The following PTPRN2 variants were observed in gnomAD, a reference collection of about 807,000 sequenced individuals.
PTPRN2 encodes the protein protein tyrosine phosphatase receptor type N2.
In PTPRN2, 74 loss-of-function variants were observed where a neutral mutation model predicts 118.8. The observed-to-expected ratio is 0.62, with a 90% CI of 0.52 to 0.76. The LOEUF (loss-of-function observed/expected upper bound fraction) is 0.76, where lower values mean the gene tolerates loss of function less well. Ranked by LOEUF, PTPRN2 falls within the 30% of genes least tolerant of loss-of-function variation. The pLI, the probability that PTPRN2 is intolerant of heterozygous loss-of-function variation, is 0.00. For missense variants in PTPRN2, 1,481 were observed against 1,394.4 expected (o/e 1.06, Z -0.99); for synonymous variants, 641 against 608.0 (o/e 1.05, Z -0.80).
intron 2 of PTPRN2, among the ~76,000 whole-genome samples, chr7:158,466,516 T>A (rs1186138271): frequency 6.6e-6 from 1 of 152,206 alleles, no homozygotes; most frequent in Non-Finnish European, 1.5e-5. Flanking sequence ...GATCTCCTTT[T>A]TTAAGGCTGA....
intron 21 of PTPRN2, among the ~76,000 whole-genome samples, chr7:157,552,937 T>C (rs1308799195): frequency 6.6e-6 from 1 of 152,230 alleles, no homozygotes; most frequent in Non-Finnish European, 1.5e-5. Context: ...ACAAAACACA[T>C]TTGATGCTCA....
chr7:158,380,990 C>T (rs544173219), intron 2 of PTPRN2, among the ~76,000 whole-genome samples: 68 of 152,368 alleles, frequency 4.5e-4, no homozygotes, highest in African/African-American at 1.3e-3. Context: ...GCAGCTGGGA[C>T]GCAGGGCATC....
intron 2 of PTPRN2, among the ~76,000 whole-genome samples, chr7:158,458,099 T>G (rs114879444): frequency 2.7e-3 from 405 of 152,348 alleles, no homozygotes; most frequent in African/African-American, 9.1e-3. Flanking sequence ...GGTTCCATTA[T>G]GCGTCCCTCA....
chr7:157,788,886 G>A (rs750302590), intron 12 of PTPRN2, among the ~76,000 whole-genome samples: 2 of 152,224 alleles, frequency 1.3e-5, no homozygotes, highest in Admixed American at 6.5e-5. Flanking sequence ...GAGGCCGCTG[G>A]AACCACCTCT....
At chr7:158,098,199 G>T (rs1455560914) in intron 10 of PTPRN2, among the ~76,000 whole-genome samples, 1 of 152,236 alleles carries the variant, frequency 6.6e-6, no homozygotes, top group East Asian at 1.9e-4. Flanking sequence ...CCTCTGCCTG[G>T]CCAGGACTGG....
intron 3 of PTPRN2, among the ~76,000 whole-genome samples, chr7:158,251,529 TGGGG>T (rs535663499): frequency 6.9e-6 from 1 of 144,780 alleles, no homozygotes; most frequent in African/African-American, 2.6e-5. Flanking sequence ...ATGGTGCATG[TGGGG>T]GGTGTGCAAT....
At chr7:158,018,033 C>A (rs140790471) in intron 11 of PTPRN2, among the ~76,000 whole-genome samples, 515 of 152,256 alleles carry the variant, frequency 3.4e-3, no homozygotes, top group African/African-American at 0.012. Context: ...TGTGTCCCTG[C>A]ACCTCACAGT....
At chr7:158,269,849 GAC>G (rs200308283) in intron 3 of PTPRN2, among the ~76,000 whole-genome samples, 1,925 of 151,990 alleles carry the variant, frequency 0.013, 44 homozygotes, top group African/African-American at 0.044. Flanking sequence ...GGGAGTCGGA[GAC>G]ACAGAGACAG....
intron 15 of PTPRN2, among the ~76,000 whole-genome samples, chr7:157,613,024 G>C (rs1563261910): frequency 6.6e-6 from 1 of 152,194 alleles, no homozygotes. Flanking sequence ...AGGAGGGGCC[G>C]GGGTGCTTCC....
At chr7:158,536,767 G>A (rs555218313) in intron 1 of PTPRN2, among the ~76,000 whole-genome samples, 6 of 150,390 alleles carry the variant, frequency 4.0e-5, no homozygotes, top group East Asian at 4.0e-4. Context: ...TCGACAAGAC[G>A]AGACTCAGGA....
intron 12 of PTPRN2, among the ~76,000 whole-genome samples, chr7:157,761,432 C>G (rs1178661412): frequency 4.0e-5 from 6 of 151,030 alleles, no homozygotes; most frequent in Non-Finnish European, 8.8e-5. Context: ...ACAGAGCCCT[C>G]AGAAATAATG....
chr7:157,898,614 G>C (rs930290941), intron 12 of PTPRN2, 59 bp downstream of exon 12: 1 of 1,484,458 alleles, frequency 6.7e-7, no homozygotes, highest in Non-Finnish European at 9.4e-7. Context: ...CACGGTGTTC[G>C]CCAGCACCCA....
Position 157,990,870 on chromosome 7 carries a change from TGGG to T in PTPRN2, c.1723+90425_1723+90427del, listed in dbSNP as rs1804201031. On this transcript the variant is annotated intron_variant, in intron 11 of 22. Coordinates refer to ENST00000389418, the MANE Select transcript of PTPRN2 (RefSeq NM_002847.5). This position sits in a 1 kb window ranked among gnomAD's most constrained non-coding sequence, Gnocchi z 4.3. ...AGTCCCAGCGCTTACCGAGGAGGAC[TGGG>T]GAGGGGGGCCGAGTCTCCAGTCAGG... Among the ~76,000 whole-genome samples the T allele has an allele frequency of 6.6e-6, 1 of 152,042 alleles. No homozygotes were observed. The highest frequency in any genetic ancestry group is 1.5e-5 in the Non-Finnish European group (1 of 67,980).
In PTPRN2 at chr7:157,576,602, GC is replaced by G; in HGVS notation, c.2783+10del. The G allele has an allele frequency of 6.2e-7, 1 of 1,600,722 alleles. No homozygotes were observed. Among genetic ancestry groups the G allele is most frequent in the South Asian group, 1.1e-5 (1 of 89,388 alleles). ...GCGCGCACTGCCCTGCCGGCGGGCCGCGCGTCATACCTGCGGAAGTCCAGGA... is the reference window on the plus strand; with the variant it reads ...GCGCGCACTGCCCTGCCGGCGGGCCGGCGTCATACCTGCGGAAGTCCAGGA... On this transcript the variant is annotated intron_variant, in intron 19 of 22. Coordinates refer to ENST00000389418, the MANE Select transcript of PTPRN2 (RefSeq NM_002847.5).
At chr7:158,108,639 A>C (rs935709975) in intron 10 of PTPRN2, among the ~76,000 whole-genome samples, 1 of 152,146 alleles carries the variant, frequency 6.6e-6, no homozygotes, top group African/African-American at 2.4e-5. Context: ...TGCATGTCAC[A>C]TCTCTCTCTG....
intron 11 of PTPRN2, among the ~76,000 whole-genome samples, chr7:158,041,819 A>G (rs1413977071): frequency 3.9e-5 from 6 of 152,276 alleles, no homozygotes; most frequent in East Asian, 3.9e-4. Context: ...GGCCAGCTCT[A>G]AGTCTTTGCT....
At chr7:158,016,522 C>A (rs770715479) in intron 11 of PTPRN2, among the ~76,000 whole-genome samples, 6 of 151,664 alleles carry the variant, frequency 4.0e-5, no homozygotes, top group Admixed American at 1.3e-4. Flanking sequence ...ACACACACAC[C>A]CATCAGATTA....
At chr7:157,900,327 C>T (rs571295453) in intron 11 of PTPRN2, among the ~76,000 whole-genome samples, 1 of 152,332 alleles carries the variant, frequency 6.6e-6, no homozygotes, top group South Asian at 2.1e-4. Flanking sequence ...CCTTTATTTA[C>T]AACAGCAGAC....
chr7:157,941,897 G>T (rs750515987), intron 11 of PTPRN2, among the ~76,000 whole-genome samples: 7 of 152,162 alleles, frequency 4.6e-5, no homozygotes, highest in Admixed American at 3.3e-4. Context: ...AGGACACAGC[G>T]CTCTCTGCAG....
Sources: gnomAD v4.1 joint callset for allele counts (sites outside exome capture counted in the v4.1 genomes callset) on GRCh38, gnomAD v4.1.1 for gene constraint, Gnocchi (gnomAD v3.1) non-coding constraint, MANE v1.5 for transcripts, NCBI Gene and HGNC (gene_info 2026-07-23, HGNC 2026-07-21) for gene names.